RNF144A: variants seen among roughly 807,000 people sequenced by gnomAD.
RNF144A encodes ring finger protein 144A, also known as E3 ubiquitin-protein ligase RNF144A.
RNF144A carries 11 observed loss-of-function variants against 38.7 expected under a neutral mutation model. That is an observed-to-expected ratio of 0.28 (90% confidence interval 0.18 to 0.47). The LOEUF (loss-of-function observed/expected upper bound fraction) is 0.47, where lower values mean the gene tolerates loss of function less well. RNF144A is among the 20% of genes least tolerant of loss of function. The probability of loss-of-function intolerance (pLI) is 0.99; values close to 1 mark genes in which losing one functional copy is unlikely to be tolerated. For synonymous variants in RNF144A, 149 were observed against 143.9 expected (o/e 1.04, Z -0.25); for missense variants, 316 against 377.2 (o/e 0.84, Z 1.34).
chr2:7,069,761 A>G (rs1251954519), downstream of RNF144A, among the ~76,000 whole-genome samples: 1 of 152,256 alleles, frequency 6.6e-6, no homozygotes. Context: ...GGCCTATATT[A>G]GAGAAGCTTG....
intron 3 of RNF144A, among the ~76,000 whole-genome samples, chr2:7,001,094 G>A (rs1360225797): frequency 6.6e-6 from 1 of 151,918 alleles, no homozygotes; most frequent in Admixed American, 6.6e-5. Context: ...GAGGTCAGGA[G>A]TTCGAGACCA....
intron 8 of RNF144A, among the ~76,000 whole-genome samples, chr2:7,030,902 T>C (rs1672254126): frequency 6.6e-6 from 1 of 151,250 alleles, no homozygotes; most frequent in South Asian, 2.1e-4. Flanking sequence ...CTGTGATAGA[T>C]CATCAGGCAT....
Position 7,039,794 on chromosome 2 carries a change from C to G in RNF144A, c.*34C>G. Reference sequence around the variant, plus strand: ...CGATGCTGGAACACATCCCTGCCTCCGGGAAGTGTGGCTCTCCCCCAACCC... The same window carrying G: ...CGATGCTGGAACACATCCCTGCCTCGGGGAAGTGTGGCTCTCCCCCAACCC... On this transcript the variant is annotated 3_prime_UTR_variant, in exon 9 of 9. Coordinates refer to ENST00000320892, the MANE Select transcript of RNF144A (RefSeq NM_014746.6). 1 of 1,607,456 alleles carries G rather than the reference C, an allele frequency of 6.2e-7. No individual in the cohort carries two copies. The highest frequency in any genetic ancestry group is 1.1e-5 in the South Asian group (1 of 90,668).
chr2:6,990,185 G>C (rs1005606729), intron 2 of RNF144A, among the ~76,000 whole-genome samples: 4 of 152,050 alleles, frequency 2.6e-5, no homozygotes, highest in Admixed American at 2.0e-4. Flanking sequence ...GAGGGTGCCA[G>C]CGTGCTTGAG....
intron 5 of RNF144A, among the ~76,000 whole-genome samples, chr2:7,016,574 G>C (rs1187223685): frequency 6.7e-6 from 1 of 149,590 alleles, no homozygotes; most frequent in East Asian, 1.9e-4. Flanking sequence ...AATCTCTCAA[G>C]CCTCTCCCTT....
chr2:7,062,514 A>AG (rs1291695823), intron 6 of RNF144A, among the ~76,000 whole-genome samples: 1 of 151,696 alleles, frequency 6.6e-6, no homozygotes, highest in African/African-American at 2.4e-5. Context: ...AAAAAAAAAA[A>AG]AAAGAAAGAA....
chr2:6,919,484 G>A (rs1664391995), intron 1 of RNF144A, among the ~76,000 whole-genome samples: 1 of 152,148 alleles, frequency 6.6e-6, no homozygotes, highest in Non-Finnish European at 1.5e-5. Context: ...TTGAATTCTA[G>A]GCCAAGACTT....
chr2:6,980,546 T>G (rs1474194499), intron 2 of RNF144A, among the ~76,000 whole-genome samples: 1 of 152,268 alleles, frequency 6.6e-6, no homozygotes, highest in East Asian at 1.9e-4. Flanking sequence ...TCTCAAATCC[T>G]GGGCATGGTG....
intron 1 of RNF144A, among the ~76,000 whole-genome samples, chr2:6,923,397 G>A (rs771284): frequency 0.52 from 78,894 of 151,894 alleles, 20,852 homozygotes; most frequent in Non-Finnish European, 0.56. Context: ...CTCCAGCCAC[G>A]CTCGTTGCCC....
Position 7,039,694 on chromosome 2 carries a change from C to T in RNF144A, c.813C>T (p.Ala271=), listed in dbSNP as rs769335180. ...LLVASPFLLL[A]TPFVLCCKCK... ...TGGCCTCACCTTTCCTACTCCTGGC[C>T]ACTCCCTTTGTACTTTGCTGCAAGT... Residue 271 remains alanine (A), a synonymous_variant, in exon 9 of 9, where the codon GCC becomes GCT. Transcript: ENST00000320892. 3.5e-5 allele frequency: 56 copies of T among 1,613,960 alleles called. 1 individual carries two copies. The East Asian group carries it at 1.1e-3, about 31-fold the overall frequency.
At chr2:6,942,091 C>T (rs931583017) in intron 2 of RNF144A, among the ~76,000 whole-genome samples, 4 of 152,228 alleles carry the variant, frequency 2.6e-5, no homozygotes, top group Non-Finnish European at 2.9e-5. Flanking sequence ...GGGTAGAATC[C>T]GGGAGACCAT....
chr2:6,980,069 A>C (rs902875658), intron 2 of RNF144A, among the ~76,000 whole-genome samples: 1 of 152,222 alleles, frequency 6.6e-6, no homozygotes, highest in African/African-American at 2.4e-5. Context: ...TATCATGAGA[A>C]CAGCCTGGGG....
intron 6 of RNF144A, among the ~76,000 whole-genome samples, chr2:7,054,421 CA>C (rs1673647959): frequency 6.6e-6 from 1 of 152,090 alleles, no homozygotes; most frequent in Admixed American, 6.5e-5. Context: ...AAGTCTTGCC[CA>C]CACTCAGGTA....
At chr2:6,985,433 C>T (rs1011266576) in intron 2 of RNF144A, among the ~76,000 whole-genome samples, 1 of 151,974 alleles carries the variant, frequency 6.6e-6, no homozygotes, top group African/African-American at 2.4e-5. Context: ...TTAGAACTTC[C>T]TAGGAACCTA....
downstream of RNF144A, among the ~76,000 whole-genome samples, chr2:7,048,971 T>A (rs1456193410): frequency 6.6e-6 from 1 of 152,054 alleles, no homozygotes; most frequent in Non-Finnish European, 1.5e-5. Flanking sequence ...AGCCTCCTAG[T>A]CCCTCCTCCC....
chr2:6,924,771 A>G (rs1664757010), intron 1 of RNF144A, among the ~76,000 whole-genome samples: 1 of 152,252 alleles, frequency 6.6e-6, no homozygotes, highest in Admixed American at 6.5e-5. Flanking sequence ...TGCAACTGCT[A>G]AGTGTGCTGT....
rs966879920 is a variant in RNF144A, at chr2:6,944,671, A to G, written c.-12+3524A>G. 7.9e-5 allele frequency among the ~76,000 whole-genome samples: 12 copies of G among 152,032 alleles called. No homozygotes were observed. The highest frequency in any genetic ancestry group is 7.9e-4 in the Admixed American group (12 of 15,272). ...GCTGGCCCCGAGATAGGGTCTCCTCAGGTGTGAGGGAGACATTAAAGAACC... is the reference window on the plus strand; with the variant it reads ...GCTGGCCCCGAGATAGGGTCTCCTCGGGTGTGAGGGAGACATTAAAGAACC... On this transcript the variant is annotated intron_variant, in intron 2 of 8. Coordinates refer to ENST00000320892, the MANE Select transcript of RNF144A (RefSeq NM_014746.6). This position sits in a 1 kb window ranked among gnomAD's most constrained non-coding sequence, Gnocchi z 4.7.
At chr2:6,920,542 A>G (rs969455812) in intron 1 of RNF144A, among the ~76,000 whole-genome samples, 1 of 151,942 alleles carries the variant, frequency 6.6e-6, no homozygotes, top group African/African-American at 2.4e-5. Context: ...GAGCCCTCAG[A>G]CTCTCTTAGA....
Position 7,057,876 on chromosome 2 carries a change from A to G in RNF144A, c.735-10340A>G, listed in dbSNP as rs1459159760. On this transcript the variant is annotated intron_variant, in intron 6 of 6. Coordinates refer to the RNF144A transcript ENST00000432850. ...TAAGCAGAGATTTATTAGTGGACAC[A>G]ATGTAGTCAGCAAAGAGGCAGTAGT... 2.6e-5 allele frequency among the ~76,000 whole-genome samples: 4 copies of G among 152,176 alleles called. No homozygotes were observed. In the East Asian group the frequency reaches 7.7e-4, roughly 29 times the overall value.
Sources: allele counts gnomAD v4.1 joint callset (sites outside exome capture counted in the v4.1 genomes callset), GRCh38; gene constraint gnomAD v4.1.1; non-coding constraint Gnocchi (gnomAD v3.1); transcripts MANE v1.5; gene names NCBI Gene and HGNC (gene_info 2026-07-23, HGNC 2026-07-21).